ATP8A1: variants seen among roughly 807,000 people sequenced by gnomAD.
ATP8A1 encodes the protein ATPase phospholipid transporting 8A1.
A neutral mutation model predicts 177.7 loss-of-function variants in ATP8A1; 90 were observed. The ratio of observed to expected loss-of-function variants is 0.51; its 90% CI spans 0.43 to 0.60. ATP8A1 has a LOEUF of 0.60. Among genes scored for constraint, ATP8A1 ranks in the 20% least tolerant of loss-of-function variants. The pLI is 0.00. For missense variants in ATP8A1, 1,072 were observed against 1,392.8 expected (o/e 0.77, Z 3.67); for synonymous variants, 493 against 485.9 (o/e 1.01, Z -0.19).
At chr4:42,465,564 T>C (rs1474676102) in intron 25 of ATP8A1, among the ~76,000 whole-genome samples, 1 of 152,236 alleles carries the variant, frequency 6.6e-6, no homozygotes, top group Admixed American at 6.5e-5. Context: ...AGTATCTGAT[T>C]ATAGTTCATG....
chr4:42,417,336 C>CA lies in ATP8A1; in HGVS notation c.3306-2619dup, dbSNP rs5857844. Among the ~76,000 whole-genome samples the CA allele has an allele frequency of 0.011, 1,604 of 144,584 alleles. 69 individuals are homozygous for CA. The East Asian group carries it at 0.15, about 14-fold the overall frequency. 94.9% of individuals were successfully genotyped at this position (144,584 alleles called of 152,430 possible). A position where few individuals can be genotyped will look rare whatever the true frequency, so the allele number is the denominator to read the frequency against. ...GGAACAGCTTAACAGTGTGAAAAGA[C>CA]AAAAAAAAAAAACACTAAAGATACC... On this transcript the variant is annotated intron_variant, in intron 35 of 36. Coordinates refer to ENST00000381668, the MANE Select transcript of ATP8A1 (RefSeq NM_006095.2).
chr4:42,478,376 T>G lies in ATP8A1; in HGVS notation c.2324+7120A>C, dbSNP rs377071823. ...ACAGAGACTCCATCTCAAAAAAAAT[T>G]ATTTACTGGAGTGTCATTATAAACA... On this transcript the variant is annotated intron_variant, in intron 25 of 36. Transcript: ENST00000381668. Among the ~76,000 whole-genome samples the G allele has an allele frequency of 1.2e-4, 18 of 152,194 alleles. No homozygotes were observed. In the East Asian group the frequency reaches 2.7e-3, roughly 23 times the overall value.
intron 22 of ATP8A1, among the ~76,000 whole-genome samples, chr4:42,515,074 A>G (rs1347917427): frequency 1.3e-5 from 2 of 152,234 alleles, no homozygotes; most frequent in East Asian, 1.9e-4. Flanking sequence ...GCTTACCCCA[A>G]TGGATCACGT....
intron 22 of ATP8A1, among the ~76,000 whole-genome samples, chr4:42,515,148 T>C (rs1353804627): frequency 6.6e-6 from 1 of 152,218 alleles, no homozygotes; most frequent in Non-Finnish European, 1.5e-5. Context: ...TTGCGGAGCT[T>C]AGTAAATGCT....
intron 33 of ATP8A1, among the ~76,000 whole-genome samples, chr4:42,443,196 C>G (rs529713894): frequency 6.6e-6 from 1 of 152,182 alleles, no homozygotes; most frequent in Non-Finnish European, 1.5e-5. Context: ...GATAGACTGT[C>G]CCCAGACAGA....
chr4:42,430,960 C>G (rs1406161286), intron 33 of ATP8A1, among the ~76,000 whole-genome samples: 1 of 152,028 alleles, frequency 6.6e-6, no homozygotes, highest in African/African-American at 2.4e-5. Flanking sequence ...ACCCCATCCT[C>G]TCCCCTGCAC....
At chr4:42,625,588 G>C in intron 3 of ATP8A1, 26 bp downstream of exon 3, 1 of 1,488,134 alleles carries the variant, frequency 6.7e-7, no homozygotes, top group Non-Finnish European at 9.3e-7. Flanking sequence ...CTGAACATTT[G>C]ACAAGGTTTT....
At chr4:42,529,329 T>C (rs925650680) in intron 20 of ATP8A1, among the ~76,000 whole-genome samples, 1 of 152,074 alleles carries the variant, frequency 6.6e-6, no homozygotes, top group Admixed American at 6.5e-5. Flanking sequence ...TACTCTCCTT[T>C]TGAGAGACAG....
intron 27 of ATP8A1, among the ~76,000 whole-genome samples, chr4:42,462,512 C>G (rs894602213): frequency 6.6e-5 from 10 of 152,242 alleles, no homozygotes; most frequent in African/African-American, 1.9e-4. Flanking sequence ...AAGTCAAGAA[C>G]TGGGGTTTGG....
chr4:42,520,638 G>A (rs1250738911), intron 22 of ATP8A1, among the ~76,000 whole-genome samples: 1 of 152,080 alleles, frequency 6.6e-6, no homozygotes, highest in African/African-American at 2.4e-5. Flanking sequence ...CTCCTGGTGT[G>A]TGTATACCTA....
intron 2 of ATP8A1, 170 bp from the exon 3 acceptor site, chr4:42,625,883 G>T (rs527429553): frequency 7.3e-6 from 3 of 412,206 alleles, no homozygotes; most frequent in South Asian, 6.3e-5. Flanking sequence ...GAGTGAAAAG[G>T]TTAAATAAAT....
At chr4:42,524,028 A>G (rs1178833712) in intron 21 of ATP8A1, among the ~76,000 whole-genome samples, 4 of 152,166 alleles carry the variant, frequency 2.6e-5, no homozygotes, top group Non-Finnish European at 5.9e-5. Flanking sequence ...GAGACTGGAG[A>G]TTTAGATTCA....
intron 5 of ATP8A1, among the ~76,000 whole-genome samples, chr4:42,602,539 G>A (rs1033931160): frequency 3.9e-5 from 6 of 152,068 alleles, no homozygotes; most frequent in East Asian, 3.9e-4. Context: ...CGAGGTGAGC[G>A]GATCACCTGA....
intron 5 of ATP8A1, among the ~76,000 whole-genome samples, chr4:42,601,664 T>C (rs543662555): frequency 5.3e-5 from 8 of 152,124 alleles, no homozygotes; most frequent in Non-Finnish European, 1.2e-4. Context: ...CAGATGTAAA[T>C]TCCATGAGGG....
At chr4:42,526,052 A>C (rs1441952799) in intron 20 of ATP8A1, among the ~76,000 whole-genome samples, 2 of 152,198 alleles carry the variant, frequency 1.3e-5, no homozygotes, top group Non-Finnish European at 2.9e-5. Context: ...ATTTTCAATG[A>C]TATTAATACA....
chr4:42,434,564 ATCTATCTCCTTTC>A (rs1400337141), intron 33 of ATP8A1, among the ~76,000 whole-genome samples: 1 of 152,234 alleles, frequency 6.6e-6, no homozygotes, highest in Non-Finnish European at 1.5e-5. Context: ...ATTCTATCAA[ATCTATCTCCTTTC>A]TCTATCTTCT....
chr4:42,443,707 T>C (rs757802910), intron 32 of ATP8A1, 35 bp from the exon 33 acceptor site: 2 of 911,138 alleles, frequency 2.2e-6, no homozygotes, highest in South Asian at 1.3e-5. Context: ...AAAAAAGTTT[T>C]ATGTAGACCG....
chr4:42,444,451 T>C, intron 32 of ATP8A1, 127 bp downstream of exon 32: 1 of 870,228 alleles, frequency 1.1e-6, no homozygotes. Context: ...ACCCCACAAT[T>C]GAAAACCTGT....
At position 42,646,124 on chromosome 4, in the gene ATP8A1, CA is replaced by C. The variant is rs565628751; in HGVS notation, c.49+10700del. Among the ~76,000 whole-genome samples, 13 of 152,304 alleles carry C rather than the reference CA, an allele frequency of 8.5e-5. No homozygotes were observed. In the South Asian group the frequency reaches 2.7e-3, roughly 32 times the overall value. On this transcript the variant is annotated intron_variant, in intron 1 of 36. Transcript: ENST00000381668. ...TGGGTTCAGGTGAGCTGGCCAAAAG[CA>C]ACTGTGGGTAAAGTGAAAGCAAATG...
Sources: allele counts gnomAD v4.1 joint callset (sites outside exome capture counted in the v4.1 genomes callset), GRCh38; gene constraint gnomAD v4.1.1; transcripts MANE v1.5; gene names NCBI Gene and HGNC (gene_info 2026-07-23, HGNC 2026-07-21).